Variants in USP32 observed in about 807,000 individuals in gnomAD.
USP32 encodes ubiquitin carboxyl-terminal hydrolase 32.
Under a neutral mutation model 204.8 loss-of-function variants are expected in USP32, and 59 were observed. The observed-to-expected ratio is 0.29, with a 90% CI of 0.23 to 0.36. The LOEUF (loss-of-function observed/expected upper bound fraction) is 0.36. Among genes scored for constraint, USP32 ranks in the 10% least tolerant of loss-of-function variants. The pLI is 1.00. For missense variants in USP32, 1,160 were observed against 1,946.4 expected (o/e 0.60, Z 7.60); for synonymous variants, 517 against 678.4 (o/e 0.76, Z 3.70).
In USP32 at chr17:60,345,780, A is replaced by T. The variant is rs985492093; in HGVS notation, c.59-172T>A. ...GCGGATCACTTAAGGCCAGGAGTTC[A>T]AGATCAGCCTGGACAATGTGGCGAA... is the stretch of plus-strand genomic sequence containing the variant. On this transcript the variant is annotated intron_variant, in intron 1 of 33. Transcript: ENST00000300896. Among the ~76,000 whole-genome samples, 27 of 152,242 alleles carry T rather than the reference A, an allele frequency of 1.8e-4. 1 individual carries two copies. Among genetic ancestry groups the T allele is most frequent in the Admixed American group, 6.5e-4 (10 of 15,276 alleles).
chr17:60,271,576 A>G, intron 5 of USP32, 95 bp from the exon 6 acceptor site: 1 of 1,245,690 alleles, frequency 8.0e-7, no homozygotes, highest in South Asian at 2.1e-5. Flanking sequence ...GATATATTTT[A>G]GTTTCACAAT....
At chr17:60,202,743 T>C (rs2145463566) in intron 26 of USP32, among the ~76,000 whole-genome samples, 2 of 150,332 alleles carry the variant, frequency 1.3e-5, no homozygotes, top group East Asian at 3.9e-4. Context: ...TGTAGTTGAG[T>C]TGAATGGTGG....
chr17:60,195,527 G>A (rs1364231996), intron 27 of USP32, among the ~76,000 whole-genome samples: 2 of 152,114 alleles, frequency 1.3e-5, no homozygotes, highest in African/African-American at 4.8e-5. Flanking sequence ...TAGTAGAGAC[G>A]GGGTTTTGCC....
At chr17:60,254,965 T>C (rs2086256696) in intron 10 of USP32, among the ~76,000 whole-genome samples, 1 of 152,026 alleles carries the variant, frequency 6.6e-6, no homozygotes, top group Non-Finnish European at 1.5e-5. Flanking sequence ...GTTATAATAA[T>C]CTACATCCCA....
At chr17:60,271,983 T>C (rs1238305626) in intron 5 of USP32, among the ~76,000 whole-genome samples, 2 of 152,092 alleles carry the variant, frequency 1.3e-5, no homozygotes, top group Non-Finnish European at 2.9e-5. Flanking sequence ...AGCTAATTTT[T>C]TAAAAACTTT....
chr17:60,202,443 TCACACACACACA>T (rs377613629), intron 26 of USP32, among the ~76,000 whole-genome samples: 26 of 140,752 alleles, frequency 1.8e-4, no homozygotes, highest in South Asian at 7.0e-4. Context: ...GCTTATCAAA[TCACACACACACA>T]CACACACACA....
At chr17:60,228,501 C>T (rs1385176) in intron 12 of USP32, among the ~76,000 whole-genome samples, 3,929 of 103,846 alleles carry the variant, frequency 0.038, 196 homozygotes, top group African/African-American at 0.18. Context: ...TTTTCTTTTT[C>T]TTTTTTTTTT....
chr17:60,181,859 CAG>C, intron 31 of USP32, 111 bp from the exon 32 acceptor site: 1 of 1,478,290 alleles, frequency 6.8e-7, no homozygotes. Context: ...AAGGTAAAGA[CAG>C]GGCAGTCGTG....
At chr17:60,335,582 A>G (rs1007524122) in intron 2 of USP32, among the ~76,000 whole-genome samples, 1 of 143,130 alleles carries the variant, frequency 7.0e-6, no homozygotes, top group African/African-American at 3.0e-5. Context: ...TATATCTACA[A>G]TAGAAATTTC....
chr17:60,275,190 C>A (rs1417346801), intron 5 of USP32, among the ~76,000 whole-genome samples: 2 of 152,178 alleles, frequency 1.3e-5, no homozygotes, highest in East Asian at 3.8e-4. Context: ...GGCGCGGTGG[C>A]TCACGCCTGT....
In USP32 at chr17:60,405,039, T is replaced by C. The variant is rs114641325; in HGVS notation, c.106+17207A>G. 9.5e-3 allele frequency among the ~76,000 whole-genome samples: 1,442 copies of C among 152,086 alleles called. 31 individuals are homozygous for C. Among genetic ancestry groups the C allele is most frequent in the African/African-American group, 0.033 (1,387 of 41,512 alleles). ...CTAAAAATACAAAAATTAGCCGGTA[T>C]GGTGCTGCACAGCTACTCGGGAGGC... On this transcript the variant is annotated intron_variant, in intron 1 of 3. Coordinates refer to the USP32 transcript ENST00000588898.
chr17:60,321,834 C>T (rs1269655298), intron 2 of USP32, among the ~76,000 whole-genome samples: 1 of 151,244 alleles, frequency 6.6e-6, no homozygotes, highest in Non-Finnish European at 1.5e-5. Flanking sequence ...CTCTATTAAT[C>T]ATTAACACCT....
At chr17:60,392,626 C>T (rs2089862438), upstream of USP32, 1 of 451,436 alleles carries the variant, frequency 2.2e-6, no homozygotes, top group East Asian at 7.3e-5. Context: ...GCATATGGCT[C>T]AGAAGAGAAA....
chr17:60,416,244 A>G (rs770572292), intron 1 of USP32, among the ~76,000 whole-genome samples: 3 of 152,174 alleles, frequency 2.0e-5, no homozygotes, highest in Non-Finnish European at 4.4e-5. Context: ...GGCAGATTTC[A>G]TATCTATGAG....
At chr17:60,368,471 A>G (rs769066605) in intron 1 of USP32, among the ~76,000 whole-genome samples, 1 of 152,138 alleles carries the variant, frequency 6.6e-6, no homozygotes, top group Non-Finnish European at 1.5e-5. Context: ...CTTTTCAACA[A>G]AAGACTCTGC....
chr17:60,196,407 T>C (rs994241695), intron 27 of USP32, among the ~76,000 whole-genome samples: 1 of 152,254 alleles, frequency 6.6e-6, no homozygotes, highest in African/African-American at 2.4e-5. Context: ...AATTTAATCT[T>C]GTCCAACTTT....
chr17:60,343,721 C>A (rs973257690), intron 2 of USP32, among the ~76,000 whole-genome samples: 3 of 152,174 alleles, frequency 2.0e-5, no homozygotes, highest in African/African-American at 7.2e-5. Context: ...AATCAACACT[C>A]TAACATCACA....
In USP32 at chr17:60,381,751, C is replaced by T. The variant is rs186355913; in HGVS notation, c.58+10131G>A. Among the ~76,000 whole-genome samples, 351 of 152,280 alleles carry T rather than the reference C, an allele frequency of 2.3e-3. 4 individuals are homozygous for T. The highest frequency in any genetic ancestry group is 7.8e-3 in the African/African-American group (323 of 41,556). On this transcript the variant is annotated intron_variant, in intron 1 of 33. Transcript: ENST00000300896. The stretch of plus-strand genomic sequence containing the variant: ...CCCCTCTTATCTCTCCTATTACTTA[C>T]GTAAACTGTACAAATCTTACTATAT...
At chr17:60,268,312 T>C (rs2086645680) in intron 7 of USP32, among the ~76,000 whole-genome samples, 1 of 151,808 alleles carries the variant, frequency 6.6e-6, no homozygotes, top group Admixed American at 6.6e-5. Flanking sequence ...CTCATGTCTA[T>C]AACCCCAACA....
Sources: gnomAD v4.1 joint callset for allele counts (sites outside exome capture counted in the v4.1 genomes callset) on GRCh38, gnomAD v4.1.1 for gene constraint, MANE v1.5 for transcripts, NCBI Gene and HGNC (gene_info 2026-07-23, HGNC 2026-07-21) for gene names.